The following PTPRN2 variants were observed in gnomAD, a reference collection of about 807,000 sequenced individuals.
PTPRN2 encodes the protein protein tyrosine phosphatase receptor type N2.
Under a neutral mutation model 118.8 loss-of-function variants are expected in PTPRN2, and 74 were observed. That is an observed-to-expected ratio of 0.62 (90% confidence interval 0.52 to 0.76). The LOEUF (loss-of-function observed/expected upper bound fraction) is 0.76. PTPRN2 is among the 30% of genes least tolerant of loss of function. The pLI is 0.00. For missense variants in PTPRN2, 1,481 were observed against 1,394.4 expected, an observed-to-expected ratio of 1.06 and a Z score of -0.99; for synonymous variants, 641 against 608.0, an observed-to-expected ratio of 1.05 and a Z score of -0.80.
intron 12 of PTPRN2, among the ~76,000 whole-genome samples, chr7:157,817,304 G>A (rs1235264851): frequency 1.3e-5 from 2 of 152,182 alleles, no homozygotes; most frequent in African/African-American, 4.8e-5. Flanking sequence ...CGGAGAAGAC[G>A]TTGCTGCTCC....
intron 1 of PTPRN2, among the ~76,000 whole-genome samples, chr7:158,506,965 G>A (rs1029691449): frequency 7.2e-5 from 11 of 152,216 alleles, no homozygotes; most frequent in African/African-American, 1.4e-4. Context: ...GTGGTTTGAT[G>A]GCTGGCCAAT....
At chr7:158,440,791 G>C in intron 2 of PTPRN2, among the ~76,000 whole-genome samples, 2 of 136,770 alleles carry the variant, frequency 1.5e-5, no homozygotes, top group East Asian at 2.1e-4. Flanking sequence ...GATGGTGATG[G>C]GGGTGGTAGT....
chr7:157,805,535 T>C (rs117752255), intron 12 of PTPRN2, among the ~76,000 whole-genome samples: 2,881 of 152,260 alleles, frequency 0.019, 79 homozygotes, highest in South Asian at 0.12. Context: ...GGGGTGAAAA[T>C]TAGACACATA....
intron 3 of PTPRN2, among the ~76,000 whole-genome samples, chr7:158,215,252 A>G (rs1221129417): frequency 1.3e-5 from 2 of 152,244 alleles, no homozygotes; most frequent in Admixed American, 1.3e-4. Flanking sequence ...ACATAACAGA[A>G]GGATGGAGAG....
intron 14 of PTPRN2, among the ~76,000 whole-genome samples, chr7:157,651,572 G>A (rs1430241280): frequency 3.9e-5 from 6 of 152,142 alleles, no homozygotes; most frequent in Non-Finnish European, 7.3e-5. Context: ...TAGTCACATC[G>A]GGACGGTGAC....
chr7:157,594,493 C>G (rs774026091), intron 17 of PTPRN2, among the ~76,000 whole-genome samples: 2 of 152,202 alleles, frequency 1.3e-5, no homozygotes, highest in African/African-American at 4.8e-5. Flanking sequence ...TGGATTCTGC[C>G]GCATGGGTGA....
At chr7:158,046,123 GGCGTCCTGACACTGCAATCCTT>G in intron 11 of PTPRN2, among the ~76,000 whole-genome samples, 2 of 145,940 alleles carry the variant, frequency 1.4e-5, no homozygotes, top group African/African-American at 2.6e-5. Flanking sequence ...CTGTGATCCT[GGCGTCCTGACACTGCAATCCTT>G]GCATCCTGGC....
intron 11 of PTPRN2, among the ~76,000 whole-genome samples, chr7:157,914,458 T>TA (rs1442152023): frequency 1.3e-5 from 2 of 152,190 alleles, no homozygotes; most frequent in Admixed American, 1.3e-4. Flanking sequence ...CCAGAATACT[T>TA]ATGAATCGTA....
intron 3 of PTPRN2, among the ~76,000 whole-genome samples, chr7:158,313,136 A>T (rs1263573845): frequency 6.6e-6 from 1 of 152,272 alleles, no homozygotes; most frequent in East Asian, 1.9e-4. Flanking sequence ...CTGTGTCTAC[A>T]CGTGAGCATG....
At chr7:158,369,909 G>A (rs907598729) in intron 2 of PTPRN2, among the ~76,000 whole-genome samples, 3 of 152,202 alleles carry the variant, frequency 2.0e-5, no homozygotes, top group African/African-American at 4.8e-5. Flanking sequence ...CTGACTGGGC[G>A]GCAGACAGAC....
intron 13 of PTPRN2, among the ~76,000 whole-genome samples, chr7:157,667,104 GAC>G (rs1406724602): frequency 9.1e-6 from 1 of 109,292 alleles, no homozygotes; most frequent in African/African-American, 3.0e-5. Flanking sequence ...CAGCCTGTGG[GAC>G]ACTGATCTCT....
chr7:158,071,019 G>C (rs1205035721), intron 11 of PTPRN2, among the ~76,000 whole-genome samples: 1 of 84,734 alleles, frequency 1.2e-5, no homozygotes, highest in Admixed American at 1.1e-4. Flanking sequence ...GGAGGTGCTC[G>C]TGGTGGAGGT....
At chr7:157,654,884 C>T (rs1805967990) in intron 14 of PTPRN2, among the ~76,000 whole-genome samples, 1 of 152,198 alleles carries the variant, frequency 6.6e-6, no homozygotes, top group South Asian at 2.1e-4. Context: ...AGATGAATGT[C>T]TTTGGCTGAT....
intron 5 of PTPRN2, among the ~76,000 whole-genome samples, chr7:158,169,840 C>A (rs1823382231): frequency 6.6e-6 from 1 of 151,218 alleles, no homozygotes; most frequent in Non-Finnish European, 1.5e-5. Flanking sequence ...TACAGGTGCC[C>A]TTCACCACGC....
intron 2 of PTPRN2, among the ~76,000 whole-genome samples, chr7:158,475,634 C>T (rs1334527798): frequency 6.6e-6 from 1 of 152,140 alleles, no homozygotes; most frequent in Middle Eastern, 3.2e-3. Flanking sequence ...TAGGACATGC[C>T]CCTGCTGGGC....
intron 14 of PTPRN2, among the ~76,000 whole-genome samples, chr7:157,646,137 C>A (rs1428497127): frequency 6.6e-6 from 1 of 152,166 alleles, no homozygotes; most frequent in African/African-American, 2.4e-5. Context: ...GTAGGCGCTG[C>A]CTCCGCATGG....
intron 2 of PTPRN2, among the ~76,000 whole-genome samples, chr7:158,403,737 C>G (rs1474200942): frequency 6.6e-6 from 1 of 152,164 alleles, no homozygotes; most frequent in African/African-American, 2.4e-5. Flanking sequence ...GGTCCTGCAC[C>G]CCCACTCTGA....
In PTPRN2 at chr7:158,037,585, ATAGT is replaced by A. The variant is rs558648679; in HGVS notation, c.1723+43709_1723+43712del. On this transcript the variant is annotated intron_variant, in intron 11 of 22. Transcript: ENST00000389418. ...TCTGAACACATCTAATAAAAAAGGTATAGTTAAAGTATGTGATTATAATCTTAGG... is the reference window on the plus strand; with the variant it reads ...TCTGAACACATCTAATAAAAAAGGTATAAAGTATGTGATTATAATCTTAGG... Among the ~76,000 whole-genome samples the A allele has an allele frequency of 6.6e-5, 10 of 152,348 alleles. No individual in the cohort carries two copies. The South Asian group carries it at 1.7e-3, about 25-fold the overall frequency.
intron 2 of PTPRN2, among the ~76,000 whole-genome samples, chr7:158,463,970 G>A (rs1670367): frequency 0.1 from 1,795 of 17,658 alleles, 85 homozygotes; most frequent in Middle Eastern, 0.15. Context: ...CCTTACCATC[G>A]CCATCATTGC....
Sources: allele counts gnomAD v4.1 joint callset (sites outside exome capture counted in the v4.1 genomes callset), GRCh38; gene constraint gnomAD v4.1.1; transcripts MANE v1.5; gene names NCBI Gene and HGNC (gene_info 2026-07-23, HGNC 2026-07-21).